Variants in FRMD4A observed in about 807,000 individuals in gnomAD.
FRMD4A encodes the protein FERM domain containing 4A, also known as FERM domain-containing protein 4A.
Under a neutral mutation model 129.1 loss-of-function variants are expected in FRMD4A, and 29 were observed. The ratio of observed to expected loss-of-function variants is 0.22; its 90% CI spans 0.17 to 0.31. The LOEUF is 0.31. Ranked by LOEUF, FRMD4A falls within the 10% of genes least tolerant of loss-of-function variation. The pLI is 1.00. For synonymous variants in FRMD4A, 634 were observed against 571.6 expected, an observed-to-expected ratio of 1.11 and a Z score of -1.56; for missense variants, 1,272 against 1,375.8, an observed-to-expected ratio of 0.92 and a Z score of 1.19.
intron 11 of FRMD4A, 118 bp from the exon 12 acceptor site, chr10:13,738,048 G>A (rs1421705790): frequency 4.5e-6 from 3 of 668,360 alleles, no homozygotes; most frequent in East Asian, 5.4e-5. Context: ...TGGAATGGAT[G>A]GAGCCCACCT....
At chr10:14,052,403 T>C (rs2131688249) in intron 2 of FRMD4A, among the ~76,000 whole-genome samples, 1 of 152,350 alleles carries the variant, frequency 6.6e-6, no homozygotes, top group East Asian at 1.9e-4. Context: ...GAGGTTTATT[T>C]GGCTTACAGT....
chr10:14,085,169 T>C (rs1836190617), intron 2 of FRMD4A, among the ~76,000 whole-genome samples: 1 of 152,178 alleles, frequency 6.6e-6, no homozygotes, highest in Admixed American at 6.5e-5. Context: ...TCATGCAAAG[T>C]AGTTTTCTTG....
chr10:13,740,811 T>C (rs11258568), intron 9 of FRMD4A, among the ~76,000 whole-genome samples: 1,930 of 150,686 alleles, frequency 0.013, 78 homozygotes, highest in South Asian at 0.12. Flanking sequence ...TTGCATTCTC[T>C]TTGTCTTGGA....
chr10:13,891,267 G>A (rs912474876), intron 2 of FRMD4A, among the ~76,000 whole-genome samples: 1 of 151,966 alleles, frequency 6.6e-6, no homozygotes, highest in African/African-American at 2.4e-5. Context: ...TGCACCCAAA[G>A]GAAAGGGCTC....
intron 2 of FRMD4A, among the ~76,000 whole-genome samples, chr10:14,284,497 T>C (rs1021920399): frequency 3.3e-5 from 5 of 151,910 alleles, no homozygotes; most frequent in African/African-American, 1.2e-4. Context: ...AAATACATTT[T>C]AAAAAATTAG....
At chr10:13,879,857 G>A (rs1442338188) in intron 2 of FRMD4A, among the ~76,000 whole-genome samples, 14 of 149,212 alleles carry the variant, frequency 9.4e-5, no homozygotes, top group African/African-American at 3.5e-4. Flanking sequence ...TTTGACCCAG[G>A]CTGCTCTCAA....
At chr10:13,739,491 G>A (rs1278554803) in intron 11 of FRMD4A, among the ~76,000 whole-genome samples, 1 of 152,198 alleles carries the variant, frequency 6.6e-6, no homozygotes, top group Non-Finnish European at 1.5e-5. Flanking sequence ...TAGTAGCAGA[G>A]CCATTGCTTA....
intron 2 of FRMD4A, among the ~76,000 whole-genome samples, chr10:14,080,991 G>A: frequency 6.6e-6 from 1 of 151,986 alleles, no homozygotes; most frequent in East Asian, 1.9e-4. Context: ...GAGACAGTAA[G>A]CACTGTCCTA....
At chr10:14,055,037 G>A (rs1490275263) in intron 2 of FRMD4A, among the ~76,000 whole-genome samples, 1 of 152,094 alleles carries the variant, frequency 6.6e-6, no homozygotes, top group Non-Finnish European at 1.5e-5. Context: ...AAGAGAAGAA[G>A]TTTACTCCCC....
chr10:13,850,168 C>T (rs2094121436), intron 3 of FRMD4A, among the ~76,000 whole-genome samples: 4 of 152,016 alleles, frequency 2.6e-5, no homozygotes, highest in Admixed American at 2.6e-4. Flanking sequence ...GAGATTACAC[C>T]ACTGCACCCC....
rs58703990 is a variant in FRMD4A, at chr10:13,707,539, C to T, written c.760-426G>A. 11,908 of 1,000,838 alleles carry T rather than the reference C, an allele frequency of 0.012. 1,047 individuals are homozygous for T. In the African/African-American group the frequency reaches 0.19, roughly 16 times the overall value. 62.0% of individuals were successfully genotyped at this position (1,000,838 alleles called of 1,614,324 possible). On this transcript the variant is annotated intron_variant, in intron 12 of 24. Transcript: ENST00000357447. Reference sequence around the variant, plus strand: ...AGAGGAGCGAGCGCTCAGGAGGGAGCGGTAGCCATCTGCGTGGAGTGCTGA... The same window carrying T: ...AGAGGAGCGAGCGCTCAGGAGGGAGTGGTAGCCATCTGCGTGGAGTGCTGA...
intron 2 of FRMD4A, among the ~76,000 whole-genome samples, chr10:14,327,657 C>T (rs1843330845): frequency 6.6e-6 from 1 of 152,206 alleles, no homozygotes; most frequent in African/African-American, 2.4e-5. Context: ...TGGGTGTCTC[C>T]TTATCCAAAA....
At chr10:14,012,079 A>C (rs1414082345) in intron 2 of FRMD4A, among the ~76,000 whole-genome samples, 1 of 151,708 alleles carries the variant, frequency 6.6e-6, no homozygotes, top group Non-Finnish European at 1.5e-5. Context: ...TAGAAAGAGC[A>C]GGTTGTTGTC....
intron 2 of FRMD4A, chr10:14,008,287 A>G: frequency 9.7e-7 from 1 of 1,034,508 alleles, no homozygotes; most frequent in Admixed American, 4.5e-5. Flanking sequence ...ATATCAAATA[A>G]CTGAAAGAGT....
At chr10:14,269,966 C>T (rs186273689) in intron 2 of FRMD4A, among the ~76,000 whole-genome samples, 15 of 152,268 alleles carry the variant, frequency 9.9e-5, no homozygotes, top group African/African-American at 2.6e-4. Flanking sequence ...CCAGATGGGA[C>T]GAAAAGGCTG....
At chr10:13,652,191 T>C in intron 23 of FRMD4A, 1 of 588,140 alleles carries the variant, frequency 1.7e-6, no homozygotes, top group Non-Finnish European at 3.0e-6. Flanking sequence ...GGCCCTCTTT[T>C]ACCCATGGCC....
chr10:14,180,496 AC>A (rs1333324405), intron 2 of FRMD4A, among the ~76,000 whole-genome samples: 1 of 152,198 alleles, frequency 6.6e-6, no homozygotes, highest in East Asian at 1.9e-4. Flanking sequence ...ATAACAGAAG[AC>A]CCAACCTCCA....
chr10:14,211,439 C>T (rs1423148094), intron 2 of FRMD4A, among the ~76,000 whole-genome samples: 1 of 152,176 alleles, frequency 6.6e-6, no homozygotes, highest in Non-Finnish European at 1.5e-5. Context: ...AAAATAGCTC[C>T]TTAAGGCACG....
intron 2 of FRMD4A, among the ~76,000 whole-genome samples, chr10:13,861,547 A>G (rs1564928782): frequency 6.6e-6 from 1 of 152,238 alleles, no homozygotes. Flanking sequence ...AAAGTTTCAC[A>G]TACTCCTAAA....
Sources: gnomAD v4.1 joint callset for allele counts (sites outside exome capture counted in the v4.1 genomes callset) on GRCh38, gnomAD v4.1.1 for gene constraint, MANE v1.5 for transcripts, NCBI Gene and HGNC (gene_info 2026-07-23, HGNC 2026-07-21) for gene names.